Variants in ARHGAP10 observed in about 807,000 individuals in gnomAD.
ARHGAP10 encodes the protein rho GTPase-activating protein 10.
Under a neutral mutation model 108.6 loss-of-function variants are expected in ARHGAP10, and 87 were observed. The observed-to-expected ratio is 0.80, with a 90% CI of 0.67 to 0.96. ARHGAP10 has a LOEUF of 0.96. Among genes scored for constraint, ARHGAP10 ranks in the 40% least tolerant of loss-of-function variants. The pLI is 0.00. For synonymous variants in ARHGAP10, 347 were observed against 341.1 expected (o/e 1.02, Z -0.19); for missense variants, 939 against 954.5 (o/e 0.98, Z 0.21).
At chr4:148,011,495 A>G (rs1321686205) in intron 18 of ARHGAP10, among the ~76,000 whole-genome samples, 1 of 152,242 alleles carries the variant, frequency 6.6e-6, no homozygotes, top group Non-Finnish European at 1.5e-5. Context: ...TTCCTCACAG[A>G]CATGGCTGCC....
At chr4:148,027,836 C>T (rs80046286) in intron 19 of ARHGAP10, among the ~76,000 whole-genome samples, 155 of 152,182 alleles carry the variant, frequency 1.0e-3, no homozygotes, top group Non-Finnish European at 1.9e-3. Context: ...GGCCACTGTG[C>T]GGTCTTTTTA....
chr4:147,876,359 G>A (rs544580108), intron 8 of ARHGAP10, among the ~76,000 whole-genome samples: 2 of 152,276 alleles, frequency 1.3e-5, no homozygotes, highest in East Asian at 1.9e-4. Flanking sequence ...CTGGGAGGCC[G>A]AGGTGGGCAG....
At chr4:147,887,052 C>T (rs192967288) in intron 10 of ARHGAP10, among the ~76,000 whole-genome samples, 34 of 152,222 alleles carry the variant, frequency 2.2e-4, no homozygotes, top group African/African-American at 7.7e-4. Context: ...TCACCCTGCC[C>T]GGCCCATGCT....
intron 13 of ARHGAP10, among the ~76,000 whole-genome samples, chr4:147,938,153 C>G (rs1458129541): frequency 3.3e-5 from 5 of 151,842 alleles, no homozygotes; most frequent in Admixed American, 3.3e-4. Context: ...TAAGTGGGAG[C>G]TAAATGATGA....
intron 18 of ARHGAP10, among the ~76,000 whole-genome samples, chr4:147,982,546 CTTTTTTTTT>C (rs753773443): frequency 3.0e-5 from 2 of 66,270 alleles, no homozygotes; most frequent in African/African-American, 7.1e-5. Context: ...CCAGCTAAAT[CTTTTTTTTT>C]TTTTTTTTTT....
intron 18 of ARHGAP10, among the ~76,000 whole-genome samples, chr4:147,974,313 T>G (rs1208214428): frequency 6.6e-6 from 1 of 152,188 alleles, no homozygotes; most frequent in East Asian, 1.9e-4. Flanking sequence ...ACCTCATTCT[T>G]ATATTTTATA....
At chr4:147,909,909 A>T in intron 12 of ARHGAP10, 132 bp downstream of exon 12, 1 of 843,358 alleles carries the variant, frequency 1.2e-6, no homozygotes. Context: ...ATTACACGTA[A>T]TAATCCTCTA....
chr4:147,840,218 T>C (rs541520949), intron 3 of ARHGAP10, among the ~76,000 whole-genome samples: 20 of 152,212 alleles, frequency 1.3e-4, no homozygotes, highest in African/African-American at 4.1e-4. Flanking sequence ...TATAGTTCTC[T>C]TGAGTCCCTA....
At chr4:147,908,376 A>G (rs1372535139) in intron 11 of ARHGAP10, among the ~76,000 whole-genome samples, 1 of 152,220 alleles carries the variant, frequency 6.6e-6, no homozygotes, top group Non-Finnish European at 1.5e-5. Context: ...TGCGTAGCGA[A>G]AAGACTAAGT....
intron 19 of ARHGAP10, among the ~76,000 whole-genome samples, chr4:148,029,771 G>A (rs553296398): frequency 6.6e-6 from 1 of 152,274 alleles, no homozygotes; most frequent in African/African-American, 2.4e-5. Context: ...CCTTGACATG[G>A]AATTACTGTG....
chr4:147,767,614 G>A (rs1413764676), intron 1 of ARHGAP10, among the ~76,000 whole-genome samples: 1 of 152,184 alleles, frequency 6.6e-6, no homozygotes, highest in Non-Finnish European at 1.5e-5. Flanking sequence ...TTACTTGGGA[G>A]GCTGAGGTAG....
At chr4:147,747,187 AT>A (rs1459880993) in intron 1 of ARHGAP10, among the ~76,000 whole-genome samples, 1 of 150,704 alleles carries the variant, frequency 6.6e-6, no homozygotes, top group African/African-American at 2.4e-5. Context: ...ATTAAAACCG[AT>A]TTTCTCTTTT....
At chr4:147,921,996 A>G (rs1737250058) in intron 13 of ARHGAP10, among the ~76,000 whole-genome samples, 1 of 152,046 alleles carries the variant, frequency 6.6e-6, no homozygotes, top group Non-Finnish European at 1.5e-5. Flanking sequence ...GAAAAAGATA[A>G]TGGGCTTGGC....
intron 22 of ARHGAP10, among the ~76,000 whole-genome samples, chr4:148,066,862 G>T (rs759246375): frequency 6.6e-6 from 1 of 152,190 alleles, no homozygotes; most frequent in African/African-American, 2.4e-5. Flanking sequence ...TGCTATAGAC[G>T]TATGGGGGAG....
In ARHGAP10 at chr4:147,822,937, G is replaced by T. The variant is rs202042143; in HGVS notation, c.292G>T (p.Glu98Ter). 1.2e-6 allele frequency: 2 copies of T among 1,613,618 alleles called. No homozygotes were observed. The highest frequency in any genetic ancestry group is 8.5e-7 in the Non-Finnish European group (1 of 1,179,556). ...ATTTTCAAATTTTTTGAAGAATCTG[G>T]AGGAACAGAGAGAAATTATGGTGAG... ...REFSNFLKNL[E>*]EQREIMALSV... Residue 98 changes from glutamate to a stop codon, truncating the protein, a stop_gained, in exon 3 of 23, where the codon GAG becomes TAG. Transcript: ENST00000336498. LOFTEE classifies it high-confidence loss of function.
chr4:147,769,329 A>G lies in ARHGAP10; in HGVS notation c.154+36874A>G, dbSNP rs72953498. On this transcript the variant is annotated intron_variant, in intron 1 of 22. Coordinates refer to ENST00000336498, the MANE Select transcript of ARHGAP10 (RefSeq NM_024605.4). Reference sequence around the variant, plus strand: ...TGTTGTTGAGGAAGAAGGAAAAATGAAGGTATCCATCCATAACTCAAGATG... The same window carrying G: ...TGTTGTTGAGGAAGAAGGAAAAATGGAGGTATCCATCCATAACTCAAGATG... Among the ~76,000 whole-genome samples the G allele has an allele frequency of 5.2e-3, 789 of 152,318 alleles. 2 individuals carry two copies. The highest frequency in any genetic ancestry group is 0.015 in the African/African-American group (613 of 41,570).
In ARHGAP10 at chr4:147,779,984, C is replaced by T. The variant is rs116541949; in HGVS notation, c.155-42743C>T. 4.7e-3 allele frequency among the ~76,000 whole-genome samples: 717 copies of T among 152,312 alleles called. 5 individuals are homozygous for T. The highest frequency in any genetic ancestry group is 7.6e-3 in the Non-Finnish European group (516 of 68,026). Reference sequence around the variant, plus strand: ...GACAATGTCACTTTTGCTCTTCGTACATAAGCCTTGTTACATGGGATTGCA... The same window carrying T: ...GACAATGTCACTTTTGCTCTTCGTATATAAGCCTTGTTACATGGGATTGCA... On this transcript the variant is annotated intron_variant, in intron 1 of 22. Coordinates refer to ENST00000336498, the MANE Select transcript of ARHGAP10 (RefSeq NM_024605.4).
At chr4:147,871,346 C>G (rs1734815903) in intron 7 of ARHGAP10, among the ~76,000 whole-genome samples, 1 of 152,148 alleles carries the variant, frequency 6.6e-6, no homozygotes, top group Non-Finnish European at 1.5e-5. Flanking sequence ...TAGCTTTAGT[C>G]TTACTTATCC....
chr4:148,011,248 A>G (rs188131482), intron 18 of ARHGAP10, among the ~76,000 whole-genome samples: 120 of 152,332 alleles, frequency 7.9e-4, no homozygotes, highest in African/African-American at 2.6e-3. Context: ...TTTTGAAACA[A>G]TCTTGTTATT....
Sources: allele counts gnomAD v4.1 joint callset (sites outside exome capture counted in the v4.1 genomes callset), GRCh38; gene constraint gnomAD v4.1.1; transcripts MANE v1.5; gene names NCBI Gene and HGNC (gene_info 2026-07-23, HGNC 2026-07-21).